GAS5: variants seen among roughly 807,000 people sequenced by gnomAD.
The protein encoded by GAS5 is growth arrest specific 5.
chr1:173,865,425 T>C (rs537495633), intron 6 of GAS5: 13 of 515,814 alleles, frequency 2.5e-5, no homozygotes, highest in Middle Eastern at 3.5e-4. Flanking sequence ...AAATCATCAC[T>C]AACAGTAGCT....
intron 3 of GAS5, chr1:173,866,253 G>C: frequency 2.0e-6 from 1 of 491,750 alleles, no homozygotes. Flanking sequence ...TTTAATGGTA[G>C]ATTGGTGGTA....
chr1:173,868,576 G>A (rs1655194694), upstream of GAS5, among the ~76,000 whole-genome samples: 1 of 152,178 alleles, frequency 6.6e-6, no homozygotes, highest in East Asian at 1.9e-4. Context: ...CCCCCGGCCG[G>A]GCTGATCTGC....
chr1:173,864,297 T>C, exon 7 of GAS5: 2 of 513,260 alleles, frequency 3.9e-6, no homozygotes, highest in South Asian at 2.8e-5. Context: ...TTGTGGTCAT[T>C]AAAAACCCTG....
chr1:173,866,851 C>G (rs773301995), intron 1 of GAS5: 8 of 765,340 alleles, frequency 1.0e-5, no homozygotes, highest in Non-Finnish European at 1.9e-5. Flanking sequence ...ACAGCAGTCA[C>G]GTTAAATATA....
chr1:173,865,939 AC>A (rs771981446), intron 4 of GAS5: 1 of 519,126 alleles, frequency 1.9e-6, no homozygotes, highest in South Asian at 1.4e-5. Context: ...ATGAGTGTTC[AC>A]CCCCTGCCAA....
intron 6 of GAS5, chr1:173,864,726 CA>C (rs1654285344): frequency 2.0e-6 from 1 of 489,302 alleles, no homozygotes; most frequent in Non-Finnish European, 4.1e-6. Flanking sequence ...GGACAATACA[CA>C]GTAAGACAAC....
chr1:173,867,556 G>A, upstream of GAS5: 2 of 476,584 alleles, frequency 4.2e-6, no homozygotes, highest in Non-Finnish European at 8.4e-6. Context: ...GTGACACTGC[G>A]GAATGCAGGC....
At chr1:173,866,048 TATTA>T (rs762078905) in intron 4 of GAS5, 4 of 519,194 alleles carry the variant, frequency 7.7e-6, no homozygotes, top group Admixed American at 1.9e-5. Flanking sequence ...CAAACTTTCT[TATTA>T]ATCATAACAA....
At chr1:173,867,820 G>A, upstream of GAS5, 1 of 514,006 alleles carries the variant, frequency 1.9e-6, no homozygotes, top group Non-Finnish European at 3.9e-6. Context: ...CACCATATGT[G>A]CAATCCCCCA....
At chr1:173,864,134 T>C (rs1299933730) in intron 7 of GAS5, 1 of 516,490 alleles carries the variant, frequency 1.9e-6, no homozygotes, top group South Asian at 1.4e-5. Context: ...ATTAAAATGC[T>C]ACATGGGAAT....
chr1:173,866,801 AAAAC>A (rs546941324), intron 1 of GAS5: 1 of 765,246 alleles, frequency 1.3e-6, no homozygotes. Context: ...ACACAACTAG[AAAAC>A]AAAAAGATGC....
At chr1:173,863,958 G>T (rs1157019478) in intron 7 of GAS5, 1 of 284,054 alleles carries the variant, frequency 3.5e-6, no homozygotes, top group Non-Finnish European at 7.2e-6. Flanking sequence ...TGTGCCATGA[G>T]ACTCCATCAG....
Position 173,866,764 on chromosome 1 carries a change from A to T in GAS5, n.88T>A, listed in dbSNP as rs747455577. The T allele has an allele frequency of 3.9e-6, 3 of 765,466 alleles. No homozygotes were observed. The South Asian group carries it at 4.0e-5, about 10-fold the overall frequency. 47.4% of individuals were successfully genotyped at this position (765,466 alleles called of 1,614,324 possible). A position where few individuals can be genotyped will look rare whatever the true frequency, so the allele number is the denominator to read the frequency against. ...TGAGAGGGAATTTTCAACTTACTTC[A>T]GTAGCTATTCTCATCCTTCCTTGGG... On this transcript the variant is annotated non_coding_transcript_exon_variant, in exon 2 of 8. Coordinates refer to ENST00000651080, the Ensembl canonical transcript of GAS5.
chr1:173,865,210 A>AG, intron 6 of GAS5: 1 of 334,216 alleles, frequency 3.0e-6, no homozygotes. Context: ...AAAAAAAAAA[A>AG]TACTTGGAAC....
intron 6 of GAS5, chr1:173,864,325 T>C (rs1024371358): frequency 9.7e-6 from 5 of 516,574 alleles, no homozygotes; most frequent in Non-Finnish European, 1.5e-5. Context: ...AGCCAACATA[T>C]TAATCAGGGC....
intron 2 of GAS5, chr1:173,866,609 A>G (rs2984704): frequency 5.2e-6 from 4 of 763,436 alleles, no homozygotes; most frequent in Admixed American, 1.7e-5. Context: ...TGTACTCTCT[A>G]TGTTCCCCAA....
intron 6 of GAS5, chr1:173,865,440 C>A (rs1654424243): frequency 1.9e-6 from 1 of 514,106 alleles, no homozygotes. Context: ...GTAGCTCAAT[C>A]AATTAACGTT....
At chr1:173,868,371 T>G (rs1187516090), upstream of GAS5, 2 of 153,192 alleles carry the variant, frequency 1.3e-5, no homozygotes, top group African/African-American at 4.8e-5. Context: ...CGGGACGGTG[T>G]TCCGGCCCAT....
At chr1:173,866,763 C>G (rs778254218) in exon 2 of GAS5, 1 of 765,416 alleles carries the variant, frequency 1.3e-6, no homozygotes, top group East Asian at 2.4e-5. Context: ...CAACTTACTT[C>G]AGTAGCTATT....
Sources: allele counts gnomAD v4.1 joint callset (sites outside exome capture counted in the v4.1 genomes callset), GRCh38; gene constraint gnomAD v4.1.1; transcripts MANE v1.5; gene names NCBI Gene and HGNC (gene_info 2026-07-23, HGNC 2026-07-21).